The following SPPL2A variants were observed in gnomAD, a reference collection of about 807,000 sequenced individuals.
The protein encoded by SPPL2A is signal peptide peptidase like 2A, also known as signal peptide peptidase-like 2A.
Under a neutral mutation model 63.8 loss-of-function variants are expected in SPPL2A, and 51 were observed. The ratio of observed to expected loss-of-function variants is 0.80; its 90% CI spans 0.64 to 1.01. The LOEUF (loss-of-function observed/expected upper bound fraction) is 1.01. SPPL2A is among the 50% of genes least tolerant of loss of function. The pLI is 0.00. For missense variants in SPPL2A, 553 were observed against 622.7 expected, an observed-to-expected ratio of 0.89 and a Z score of 1.19; for synonymous variants, 188 against 205.8, an observed-to-expected ratio of 0.91 and a Z score of 0.74.
chr15:50,741,746 C>G (rs1254923982), intron 5 of SPPL2A, among the ~76,000 whole-genome samples: 3 of 152,072 alleles, frequency 2.0e-5, no homozygotes, highest in Admixed American at 6.6e-5. Flanking sequence ...GTGGGCGGAT[C>G]ACTTGAGGTC....
chr15:50,712,418 G>T (rs921539880), intron 14 of SPPL2A, among the ~76,000 whole-genome samples: 1 of 152,108 alleles, frequency 6.6e-6, no homozygotes, highest in African/African-American at 2.4e-5. Context: ...GGAGAGAGAA[G>T]CAAATGATTA....
At chr15:50,720,721 T>C (rs966933559) in intron 13 of SPPL2A, among the ~76,000 whole-genome samples, 1 of 151,982 alleles carries the variant, frequency 6.6e-6, no homozygotes, top group African/African-American at 2.4e-5. Context: ...GGTTTCTCCA[T>C]GTTGGTCAGG....
intron 2 of SPPL2A, 42 bp downstream of exon 2, chr15:50,749,594 C>A: frequency 7.7e-7 from 1 of 1,302,452 alleles, no homozygotes; most frequent in South Asian, 1.2e-5. Flanking sequence ...CCTCCTTCTT[C>A]ACTATTTTTA....
intron 6 of SPPL2A, among the ~76,000 whole-genome samples, chr15:50,738,930 A>C (rs1284132073): frequency 6.6e-6 from 1 of 152,166 alleles, no homozygotes; most frequent in African/African-American, 2.4e-5. Flanking sequence ...TCAAGCAATA[A>C]AACATCTTGA....
Position 50,725,332 on chromosome 15 carries a change from A to G in SPPL2A, c.1147-9T>C, listed in dbSNP as rs1357756230. 3 of 493,224 alleles carry G rather than the reference A, an allele frequency of 6.1e-6. No individual in the cohort carries two copies. The highest frequency in any genetic ancestry group is 8.8e-5 in the Admixed American group (2 of 22,788). 30.6% of individuals were successfully genotyped at this position (493,224 alleles called of 1,614,324 possible). On this transcript the variant is annotated splice_polypyrimidine_tract_variant and intron_variant, in intron 11 of 14. Coordinates refer to ENST00000261854, the MANE Select transcript of SPPL2A (RefSeq NM_032802.4). ...CTGATGACTACTGGCAACTGTTCAA[A>G]AACAAAACAAAACAAAACAAAACAA...
At chr15:50,741,647 G>A (rs2062821362) in intron 5 of SPPL2A, among the ~76,000 whole-genome samples, 2 of 152,076 alleles carry the variant, frequency 1.3e-5, no homozygotes, top group African/African-American at 4.8e-5. Context: ...AAAGCATACA[G>A]TGTACTAGAT....
intron 1 of SPPL2A, among the ~76,000 whole-genome samples, chr15:50,759,268 T>C (rs895514843): frequency 6.6e-6 from 1 of 152,098 alleles, no homozygotes; most frequent in Admixed American, 6.6e-5. Flanking sequence ...ATCAGTCTTA[T>C]ACCCTATTTT....
At chr15:50,758,981 G>A (rs901044835) in intron 1 of SPPL2A, among the ~76,000 whole-genome samples, 17 of 152,202 alleles carry the variant, frequency 1.1e-4, no homozygotes, top group African/African-American at 3.9e-4. Flanking sequence ...CATGGTTGCA[G>A]CTCACTGCTG....
Position 50,764,913 on chromosome 15 carries a change from C to CAA in SPPL2A, c.66+553_66+554dup, listed in dbSNP as rs34049728. ...ATTACTGCTATTAAAACCCCCCCTC[C>CAA]AAAAAAAAAAAACCCTCATAACAGA... On this transcript the variant is annotated intron_variant, in intron 1 of 14. Coordinates refer to ENST00000261854, the MANE Select transcript of SPPL2A (RefSeq NM_032802.4). 4.0e-3 allele frequency among the ~76,000 whole-genome samples: 585 copies of CAA among 144,492 alleles called. 4 individuals are homozygous for CAA. The highest frequency in any genetic ancestry group is 0.014 in the African/African-American group (569 of 39,624). The allele number at this position is 144,492 out of a possible 152,430, so 94.8% of individuals were successfully genotyped here.
chr15:50,717,968 GTTTTTTTTT>G (rs57049574), intron 14 of SPPL2A, among the ~76,000 whole-genome samples: 1,690 of 91,652 alleles, frequency 0.018, 32 homozygotes, highest in Admixed American at 0.031. Context: ...TGTAACTTTC[GTTTTTTTTT>G]TTTTTTTTTT....
At chr15:50,722,278 T>C (rs771676270) in intron 12 of SPPL2A, 77 bp from the exon 13 acceptor site, 2 of 805,996 alleles carry the variant, frequency 2.5e-6, no homozygotes, top group Non-Finnish European at 4.2e-6. Context: ...ATAGTAAGTA[T>C]ATGTTATATT....
intron 3 of SPPL2A, among the ~76,000 whole-genome samples, chr15:50,748,451 T>C (rs2062877345): frequency 6.6e-6 from 1 of 151,638 alleles, no homozygotes; most frequent in South Asian, 2.1e-4. Context: ...TATATCTCTA[T>C]ATATATGCAT....
intron 1 of SPPL2A, among the ~76,000 whole-genome samples, chr15:50,758,937 A>G (rs2062985780): frequency 6.6e-6 from 1 of 151,134 alleles, no homozygotes; most frequent in African/African-American, 2.4e-5. Flanking sequence ...TATCTACAGG[A>G]TCTCACTCTA....
rs1302695528 is a variant in SPPL2A at position 50,711,206 on chromosome 15, CT to C, written c.1489-3333del. On this transcript the variant is annotated intron_variant, in intron 14 of 14. Coordinates refer to ENST00000261854, the MANE Select transcript of SPPL2A (RefSeq NM_032802.4). ...CAATTAGTATTTCCAAATTAGTATC[CT>C]TTTTTTTTTTTTTTTTTGTGAGATG... Among the ~76,000 whole-genome samples the C allele has an allele frequency of 1.6e-3, 183 of 115,584 alleles. 1 individual carries two copies. The highest frequency in any genetic ancestry group is 3.5e-3 in the African/African-American group (79 of 22,696). The allele number at this position is 115,584 out of a possible 152,430, so 75.8% of individuals were successfully genotyped here.
intron 5 of SPPL2A, among the ~76,000 whole-genome samples, chr15:50,740,427 CAAAAAAAAAAAA>C (rs34361362): frequency 1.7e-5 from 1 of 60,098 alleles, no homozygotes. Context: ...AACTCCGTCT[CAAAAAAAAAAAA>C]AAAAAAGAAA....
In SPPL2A at chr15:50,765,448, G is replaced by C; in HGVS notation, c.66+20C>G. On this transcript the variant is annotated intron_variant, in intron 1 of 14. Transcript: ENST00000261854. ...CCCGCCCAGCCCCTGGGAGGCCTGC[G>C]CGCCTTCCCGCCCCCTTACCAGCTG... The C allele has an allele frequency of 1.3e-6, 2 of 1,498,872 alleles. No homozygotes were observed. Among genetic ancestry groups the C allele is most frequent in the Non-Finnish European group, 8.8e-7 (1 of 1,130,838 alleles). The allele number at this position is 1,498,872 out of a possible 1,614,324, so 92.8% of individuals were successfully genotyped here.
At chr15:50,728,626 G>A (rs192264718) in intron 10 of SPPL2A, among the ~76,000 whole-genome samples, 5 of 148,654 alleles carry the variant, frequency 3.4e-5, no homozygotes, top group Non-Finnish European at 5.9e-5. Context: ...GATTACAGGC[G>A]TGAACCACTG....
intron 14 of SPPL2A, among the ~76,000 whole-genome samples, chr15:50,708,298 GTGATATTAT>G (rs2062527906): frequency 6.6e-6 from 1 of 152,184 alleles, no homozygotes; most frequent in Non-Finnish European, 1.5e-5. Flanking sequence ...CTGGGACAGT[GTGATATTAT>G]TGACACCTTG....
intron 13 of SPPL2A, 91 bp downstream of exon 13, chr15:50,722,033 C>A: frequency 1.4e-6 from 1 of 733,538 alleles, no homozygotes; most frequent in Non-Finnish European, 2.4e-6. Context: ...CCACCATGCC[C>A]AAACTGTACT....
Sources: allele counts gnomAD v4.1 joint callset (sites outside exome capture counted in the v4.1 genomes callset), GRCh38; gene constraint gnomAD v4.1.1; transcripts MANE v1.5; gene names NCBI Gene and HGNC (gene_info 2026-07-23, HGNC 2026-07-21).